DNAI3: variants seen among roughly 807,000 people sequenced by gnomAD.
The protein encoded by DNAI3 is dynein axonemal intermediate chain 3, also known as WD repeat domain 63.
A neutral mutation model predicts 115.5 loss-of-function variants in DNAI3; 83 were observed. The observed-to-expected ratio is 0.72, with a 90% CI of 0.60 to 0.86. DNAI3 has a LOEUF of 0.86. Among genes scored for constraint, DNAI3 ranks in the 40% least tolerant of loss-of-function variants. The probability of loss-of-function intolerance (pLI) is 0.00; values close to 1 mark genes in which losing one functional copy is unlikely to be tolerated. For missense variants in DNAI3, 1,004 were observed against 1,075.8 expected (o/e 0.93, Z 0.93); for synonymous variants, 320 against 347.0 (o/e 0.92, Z 0.86).
In DNAI3 at chr1:85,129,891, G is replaced by A. The variant is rs573150036; in HGVS notation, c.2410-99G>A. 32 of 1,362,834 alleles carry A rather than the reference G, an allele frequency of 2.3e-5. No individual in the cohort carries two copies. In the East Asian group the frequency reaches 3.8e-4, roughly 16 times the overall value. 84.4% of individuals were successfully genotyped at this position (1,362,834 alleles called of 1,614,324 possible). A position where few individuals can be genotyped will look rare whatever the true frequency, so the allele number is the denominator to read the frequency against. ...ATTAGGGAGGTAGATTAGGTAGGTC[G>A]TCTACCTAATTACAAGCAGCAGAAA... On this transcript the variant is annotated intron_variant, in intron 21 of 22. Transcript: ENST00000294664.
At chr1:85,117,919 C>T (rs939710956) in intron 17 of DNAI3, 60 bp downstream of exon 17, 11 of 1,553,602 alleles carry the variant, frequency 7.1e-6, no homozygotes, top group Admixed American at 5.1e-5. Context: ...TATGTTATTA[C>T]AATATCTACT....
chr1:85,126,216 G>A (rs190450201), intron 19 of DNAI3, among the ~76,000 whole-genome samples: 7 of 152,270 alleles, frequency 4.6e-5, no homozygotes, highest in East Asian at 3.9e-4. Flanking sequence ...AGAAATAGTC[G>A]TAAGGTTAGA....
intron 22 of DNAI3, among the ~76,000 whole-genome samples, chr1:85,131,331 C>G (rs1281629723): frequency 6.6e-6 from 1 of 151,382 alleles, no homozygotes; most frequent in African/African-American, 2.4e-5. Flanking sequence ...GTAATCCCAG[C>G]TACTCGGGAG....
intron 1 of DNAI3, among the ~76,000 whole-genome samples, chr1:85,064,815 C>T (rs1362655635): frequency 6.6e-6 from 1 of 151,916 alleles, no homozygotes; most frequent in African/African-American, 2.4e-5. Context: ...GGCAGATCAC[C>T]TGAGGTCAGG....
intron 7 of DNAI3, among the ~76,000 whole-genome samples, chr1:85,086,787 T>A (rs974392413): frequency 6.6e-6 from 1 of 152,036 alleles, no homozygotes; most frequent in Non-Finnish European, 1.5e-5. Context: ...GGGCTTCCTC[T>A]AGCCATCCTT....
intron 20 of DNAI3, among the ~76,000 whole-genome samples, 173 bp downstream of exon 20, chr1:85,126,888 T>C (rs1273239741): frequency 1.3e-5 from 2 of 152,148 alleles, no homozygotes; most frequent in Non-Finnish European, 2.9e-5. Context: ...TCTCTTCCCT[T>C]TCCTTCCCAT....
At chr1:85,102,326 A>C (rs1655352269) in intron 13 of DNAI3, among the ~76,000 whole-genome samples, 1 of 152,152 alleles carries the variant, frequency 6.6e-6, no homozygotes, top group African/African-American at 2.4e-5. Context: ...ATACCCCCCA[A>C]ATATGTCCAT....
At chr1:85,067,826 G>A (rs1026420516) in intron 1 of DNAI3, among the ~76,000 whole-genome samples, 1 of 152,142 alleles carries the variant, frequency 6.6e-6, no homozygotes. Flanking sequence ...GATTGGAAAA[G>A]GCAAGAAAGC....
At chr1:85,082,910 C>T (rs547153831) in intron 5 of DNAI3, among the ~76,000 whole-genome samples, 35 of 152,216 alleles carry the variant, frequency 2.3e-4, no homozygotes, top group African/African-American at 6.5e-4. Flanking sequence ...CTCTTCTTGC[C>T]GTCTCCACAA....
chr1:85,102,149 G>A (rs906965178), intron 13 of DNAI3, among the ~76,000 whole-genome samples: 7 of 152,066 alleles, frequency 4.6e-5, no homozygotes, highest in Admixed American at 4.6e-4. Context: ...GATTAGTAGG[G>A]TGACTATAAT....
Position 85,085,912 on chromosome 1 carries a change from G to C in DNAI3, c.622G>C (p.Asp208His), listed in dbSNP as rs201473686. 175 of 1,614,058 alleles carry C rather than the reference G, an allele frequency of 1.1e-4. No individual in the cohort carries two copies. Among genetic ancestry groups the C allele is most frequent in the Non-Finnish European group, 1.4e-4 (162 of 1,180,036 alleles). ...FSDQNASSVKDAYIECTAYPD... is the reference protein window; with the variant it reads ...FSDQNASSVKHAYIECTAYPD... Reference sequence around the variant, plus strand: ...TGACCAGAATGCTTCCAGTGTAAAAGATGCCTATATTGAATGTACAGCCTA... The same window carrying C: ...TGACCAGAATGCTTCCAGTGTAAAACATGCCTATATTGAATGTACAGCCTA... The change falls in exon 7 of 23, where the codon GAT becomes CAT. Residue 208 changes from aspartate (D) to histidine (H), a missense_variant. Asp to His is a moderately conservative substitution (Grantham distance 81, BLOSUM62 -1). This residue lies in a region of DNAI3 where 550 missense variants were observed against 568.1 expected (regional missense o/e 0.97). Coordinates refer to ENST00000294664, the MANE Select transcript of DNAI3 (RefSeq NM_145172.5).
At chr1:85,080,915 A>G (rs7528575) in intron 3 of DNAI3, among the ~76,000 whole-genome samples, 90,527 of 152,010 alleles carry the variant, frequency 0.6, 26,969 homozygotes, top group Non-Finnish European at 0.6. Context: ...TTGTGACATA[A>G]TGGTAAATAT....
chr1:85,117,240 A>C (rs982158116), intron 16 of DNAI3, among the ~76,000 whole-genome samples: 1 of 152,222 alleles, frequency 6.6e-6, no homozygotes, highest in Non-Finnish European at 1.5e-5. Context: ...GATATTATCC[A>C]GTTTTTTAAA....
chr1:85,081,688 C>T (rs72946778), intron 4 of DNAI3, among the ~76,000 whole-genome samples: 8,011 of 152,214 alleles, frequency 0.053, 349 homozygotes, highest in African/African-American at 0.13. Flanking sequence ...GGGTTTCACT[C>T]CTGTCTCCCA....
At chr1:85,123,034 G>A (rs1478065026) in intron 18 of DNAI3, among the ~76,000 whole-genome samples, 1 of 152,198 alleles carries the variant, frequency 6.6e-6, no homozygotes, top group African/African-American at 2.4e-5. Flanking sequence ...CTTCCCACTG[G>A]CAACAAATGG....
At chr1:85,100,565 C>T (rs559926360) in intron 13 of DNAI3, among the ~76,000 whole-genome samples, 26 of 152,036 alleles carry the variant, frequency 1.7e-4, no homozygotes, top group Non-Finnish European at 2.9e-4. Context: ...GACAGTGTGG[C>T]GATTCCTCAA....
At chr1:85,085,769 C>T (rs1654782403) in intron 6 of DNAI3, 62 bp from the exon 7 acceptor site, 2 of 1,004,538 alleles carry the variant, frequency 2.0e-6, no homozygotes, top group South Asian at 1.5e-5. Flanking sequence ...GAGCAGAGTA[C>T]CAACATTGCC....
At chr1:85,069,506 A>G (rs1344989643) in intron 1 of DNAI3, among the ~76,000 whole-genome samples, 2 of 151,630 alleles carry the variant, frequency 1.3e-5, no homozygotes, top group African/African-American at 4.9e-5. Context: ...TAGTCACTCA[A>G]TATATATATG....
chr1:85,071,620 G>A lies in DNAI3; in HGVS notation c.-14-308G>A, dbSNP rs770880259. Among the ~76,000 whole-genome samples, 5 of 152,182 alleles carry A rather than the reference G, an allele frequency of 3.3e-5. No homozygotes were observed. The East Asian group carries it at 7.7e-4, about 23-fold the overall frequency. On this transcript the variant is annotated intron_variant, in intron 1 of 22. Coordinates refer to ENST00000294664, the MANE Select transcript of DNAI3 (RefSeq NM_145172.5). ...TGGCATGGGAACTTCAGTGAGAGGCGGGGAAGCCAAGTCCTCTGTCGTGCT... is the reference window on the plus strand; with the variant it reads ...TGGCATGGGAACTTCAGTGAGAGGCAGGGAAGCCAAGTCCTCTGTCGTGCT...
Sources: allele counts gnomAD v4.1 joint callset (sites outside exome capture counted in the v4.1 genomes callset), GRCh38; gene constraint gnomAD v4.1.1; regional missense constraint gnomAD v4.1.1; transcripts MANE v1.5; gene names NCBI Gene and HGNC (gene_info 2026-07-23, HGNC 2026-07-21).